ZNF561: variants seen among roughly 807,000 people sequenced by gnomAD.
The protein encoded by ZNF561 is zinc finger protein 561.
Under a neutral mutation model 16.7 loss-of-function variants are expected in ZNF561, and 16 were observed. The observed-to-expected ratio is 0.96, with a 90% CI of 0.65 to 1.45. ZNF561 has a LOEUF of 1.45. ZNF561 is among the 40% of genes most tolerant of loss of function. The pLI, the probability that ZNF561 is intolerant of heterozygous loss-of-function variation, is 0.00. For missense variants in ZNF561, 580 were observed against 578.0 expected (o/e 1.00, Z -0.04); for synonymous variants, 190 against 192.1 (o/e 0.99, Z 0.09).
chr19:9,617,042 T>C lies in ZNF561; in HGVS notation c.241+3A>G, dbSNP rs781206164. 23 of 1,608,632 alleles carry C rather than the reference T, an allele frequency of 1.4e-5. No individual in the cohort carries two copies. The highest frequency in any genetic ancestry group is 2.7e-5 in the African/African-American group (2 of 74,930). ...ATGCCAAGCATAGTGATGTTACTCT[T>C]ACCCACAGAGGCCAGGTTCATGTAG... On this transcript the variant is annotated splice_donor_region_variant and intron_variant, in intron 4 of 5. Transcript: ENST00000302851.
At chr19:9,617,882 T>G in intron 3 of ZNF561, 1 of 599,190 alleles carries the variant, frequency 1.7e-6, no homozygotes, top group Non-Finnish European at 3.1e-6. Context: ...GCTTAAGTAG[T>G]AATTACTGAG....
At chr19:9,618,888 G>A (rs575620860) in intron 2 of ZNF561, among the ~76,000 whole-genome samples, 62 of 152,168 alleles carry the variant, frequency 4.1e-4, no homozygotes, top group African/African-American at 1.1e-3. Context: ...AGGCCAAGGC[G>A]GGCAAATCAC....
intron 4 of ZNF561, 103 bp from the exon 5 acceptor site, chr19:9,614,206 A>T (rs2074513036): frequency 6.3e-6 from 9 of 1,431,014 alleles, no homozygotes; most frequent in African/African-American, 1.4e-5. Context: ...CAATAAAATA[A>T]AAGCCAGAGA....
At chr19:9,613,885 G>A (rs1159958349) in intron 5 of ZNF561, 136 bp downstream of exon 5, 1 of 1,000,412 alleles carries the variant, frequency 1.0e-6, no homozygotes, top group African/African-American at 1.6e-5. Flanking sequence ...GGGCTCAAAT[G>A]AGACCCCCAC....
chr19:9,617,557 G>T, intron 3 of ZNF561: 2 of 389,226 alleles, frequency 5.1e-6, no homozygotes, highest in Non-Finnish European at 1.0e-5. Context: ...GTCCAACTGT[G>T]TCACCCAGGC....
At chr19:9,619,338 T>C in intron 2 of ZNF561, 94 bp downstream of exon 2, 1 of 1,222,118 alleles carries the variant, frequency 8.2e-7, no homozygotes, top group Non-Finnish European at 1.2e-6. Context: ...AAGAACCAGC[T>C]GCATGCCTGC....
At chr19:9,611,381 T>TA in intron 5 of ZNF561, 45 bp from the exon 6 acceptor site, 1 of 1,548,294 alleles carries the variant, frequency 6.5e-7, no homozygotes, top group East Asian at 2.3e-5. Context: ...TCAGACATAT[T>TA]AAGAGATTTC....
Position 9,610,598 on chromosome 19 carries a change from G to A in ZNF561, c.1063C>T (p.His355Tyr). The A allele has an allele frequency of 6.2e-6, 10 of 1,613,596 alleles. No individual in the cohort carries two copies. Among genetic ancestry groups the A allele is most frequent in the Non-Finnish European group, 8.5e-6 (10 of 1,179,748 alleles). The change falls in exon 6 of 6, where the codon CAC (histidine) becomes TAC (tyrosine). Residue 355 changes from histidine (H) to tyrosine (Y), a missense_variant. Transcript: ENST00000302851. ...AFAQYSGLSI[H>Y]IRSHSGKKPY... ...TTCTTTCCACTGTGACTTCGTATGT[G>A]TATAGAAAGGCCCGAGTACTGAGCA... is the stretch of plus-strand genomic sequence containing the variant.
chr19:9,619,601 AAAC>A lies in ZNF561; in HGVS notation c.-126-22_-126-20del, dbSNP rs745420544. 450 of 623,316 alleles carry A rather than the reference AAAC, an allele frequency of 7.2e-4. No homozygotes were observed. Among genetic ancestry groups the A allele is most frequent in the Non-Finnish European group, 1.1e-3 (400 of 380,790 alleles). The allele number at this position is 623,316 out of a possible 1,614,324, so 38.6% of individuals were successfully genotyped here. A position where few individuals can be genotyped will look rare whatever the true frequency, so the allele number is the denominator to read the frequency against. ...TGCGGTCCTGTTCATATCAATCATC[AAAC>A]AACAAGCATGAAACATCAGTCATCA... is the stretch of plus-strand genomic sequence containing the variant. On this transcript the variant is annotated intron_variant, in intron 1 of 5. Transcript: ENST00000302851.
At chr19:9,615,750 A>AG (rs2074542941) in intron 4 of ZNF561, among the ~76,000 whole-genome samples, 1 of 134,790 alleles carries the variant, frequency 7.4e-6, no homozygotes, top group Non-Finnish European at 1.6e-5. Context: ...TACTAAAAAT[A>AG]CAAAAAAAAA....
At chr19:9,613,245 T>C (rs1196513803) in intron 5 of ZNF561, among the ~76,000 whole-genome samples, 1 of 152,224 alleles carries the variant, frequency 6.6e-6, no homozygotes, top group Non-Finnish European at 1.5e-5. Context: ...GAGATCCTGC[T>C]CCCTCAGTGG....
intron 1 of ZNF561, 177 bp downstream of exon 1, chr19:9,620,985 G>C (rs1044803476): frequency 3.3e-5 from 5 of 152,368 alleles, no homozygotes; most frequent in Non-Finnish European, 4.4e-5. Context: ...GGTTGCAGAG[G>C]TTGCAGTGAG....
At chr19:9,613,538 A>T (rs1035288296) in intron 5 of ZNF561, among the ~76,000 whole-genome samples, 1 of 151,722 alleles carries the variant, frequency 6.6e-6, no homozygotes, top group Non-Finnish European at 1.5e-5. Flanking sequence ...TTTATTTCTG[A>T]GACAGAGTCT....
In ZNF561 at chr19:9,611,025, A is replaced by G. The variant is rs8109456; in HGVS notation, c.636T>C (p.Leu212=). ...CAGTGTGGATTCCCATATGATTATCAAGGCTTGCAAAATACTTAAAGCCTT... is the reference window on the plus strand; with the variant it reads ...CAGTGTGGATTCCCATATGATTATCGAGGCTTGCAAAATACTTAAAGCCTT... ...CGKGFKYFAS[L]DNHMGIHTDE... is the part of the protein sequence containing the mutation. The change falls in exon 6 of 6, where the codon CTT becomes CTC. Residue 212 remains leucine (L), a synonymous_variant. Transcript: ENST00000302851. The G allele has an allele frequency of 5.1e-3, 8,247 of 1,614,116 alleles. 381 individuals are homozygous for G. The African/African-American group carries it at 0.096, about 19-fold the overall frequency.
chr19:9,610,973 A>G lies in ZNF561; in HGVS notation c.688T>C (p.Tyr230His). ...GAAGAAGCTGTGACAGCTCTCCCATATTCCTGAAATTCACAGAGTTTCTCA... is the reference window on the plus strand; with the variant it reads ...GAAGAAGCTGTGACAGCTCTCCCATGTTCCTGAAATTCACAGAGTTTCTCA... ...TDEKLCEFQE[Y>H]GRAVTASSHL... The change falls in exon 6 of 6, where the codon TAT becomes CAT. Residue 230 changes from tyrosine to histidine, a missense_variant. Transcript: ENST00000302851. 1 of 1,614,180 alleles carries G rather than the reference A, an allele frequency of 6.2e-7. No homozygotes were observed. The highest frequency in any genetic ancestry group is 8.5e-7 in the Non-Finnish European group (1 of 1,180,034).
At chr19:9,619,889 A>ATATCTATCTATATC (rs1568239424) in intron 1 of ZNF561, among the ~76,000 whole-genome samples, 3 of 138,376 alleles carry the variant, frequency 2.2e-5, no homozygotes. Context: ...ATCTATCTAT[A>ATATCTATCTATATC]TATCTATCTA....
rs1034985705 is a variant in ZNF561 at position 9,609,856 on chromosome 19, A to G, written c.*344T>C. ...CCTACATCATCTTGGCTTCTGGTAA[A>G]TTTTGACATAAATGTGCCACACTGG... On this transcript the variant is annotated 3_prime_UTR_variant, in exon 6 of 6. Coordinates refer to ENST00000302851, the MANE Select transcript of ZNF561 (RefSeq NM_152289.3). The G allele has an allele frequency of 5.3e-6, 1 of 187,974 alleles. No individual in the cohort carries two copies. Among genetic ancestry groups the G allele is most frequent in the African/African-American group, 2.3e-5 (1 of 42,622 alleles). The allele number at this position is 187,974 out of a possible 1,614,324, so 11.6% of individuals were successfully genotyped here. A position where few individuals can be genotyped will look rare whatever the true frequency, so the allele number is the denominator to read the frequency against.
At chr19:9,616,343 G>A (rs537481346) in intron 4 of ZNF561, among the ~76,000 whole-genome samples, 7 of 152,114 alleles carry the variant, frequency 4.6e-5, no homozygotes, top group African/African-American at 7.2e-5. Context: ...GTGCAGTGGC[G>A]CAATCTCAGC....
chr19:9,615,310 A>C (rs2144889739), intron 4 of ZNF561, among the ~76,000 whole-genome samples: 1 of 152,014 alleles, frequency 6.6e-6, no homozygotes, highest in East Asian at 1.9e-4. Flanking sequence ...GTAAGAAATA[A>C]AGTAGGCTGG....
Sources: gnomAD v4.1 joint callset for allele counts (sites outside exome capture counted in the v4.1 genomes callset) on GRCh38, gnomAD v4.1.1 for gene constraint, MANE v1.5 for transcripts, NCBI Gene and HGNC (gene_info 2026-07-23, HGNC 2026-07-21) for gene names.